The following SDK1 variants were observed in gnomAD, a reference collection of about 807,000 sequenced individuals.
SDK1 encodes the protein sidekick cell adhesion molecule 1, also known as protein sidekick-1.
A neutral mutation model predicts 245.5 loss-of-function variants in SDK1; 157 were observed. That is an observed-to-expected ratio of 0.64 (90% confidence interval 0.56 to 0.73). The LOEUF (loss-of-function observed/expected upper bound fraction) is 0.73, where lower values mean the gene tolerates loss of function less well. SDK1 is among the 30% of genes least tolerant of loss of function. The pLI is 0.00. For synonymous variants in SDK1, 1,647 were observed against 1,278.5 expected (o/e 1.29, Z -6.15); for missense variants, 3,583 against 3,002.3 (o/e 1.19, Z -4.52).
intron 32 of SDK1, among the ~76,000 whole-genome samples, chr7:4,162,493 G>A (rs1031125521): frequency 3.3e-5 from 5 of 151,636 alleles, no homozygotes; most frequent in Admixed American, 6.6e-5. Context: ...TCTGCCTCCC[G>A]TGTTCAAGCG....
intron 1 of SDK1, among the ~76,000 whole-genome samples, chr7:3,449,560 G>T (rs910284379): frequency 6.6e-5 from 10 of 152,110 alleles, no homozygotes; most frequent in Non-Finnish European, 8.8e-5. Flanking sequence ...GTAGGCTTTT[G>T]GAGTACAAAG....
chr7:3,581,148 A>AGC, intron 1 of SDK1, among the ~76,000 whole-genome samples: 1 of 152,182 alleles, frequency 6.6e-6, no homozygotes, highest in Admixed American at 6.5e-5. Flanking sequence ...GCAGAGCAAA[A>AGC]TAAACTATCA....
rs907443831 is a variant in SDK1, at chr7:4,266,477, G to A, written c.*1093G>A. 11 of 985,184 alleles carry A rather than the reference G, an allele frequency of 1.1e-5. No individual in the cohort carries two copies. Among genetic ancestry groups the A allele is most frequent in the African/African-American group, 5.2e-5 (3 of 57,298 alleles). The allele number at this position is 985,184 out of a possible 1,614,324, so 61.0% of individuals were successfully genotyped here. ...CTGTCCTGGCTTCTGCTGGCTGCTC[G>A]CAGCAGCCACCGCTTCTCCACCACT... On this transcript the variant is annotated 3_prime_UTR_variant, in exon 45 of 45. Transcript: ENST00000404826.
At chr7:3,927,338 A>G (rs1412564203) in intron 5 of SDK1, among the ~76,000 whole-genome samples, 1 of 151,756 alleles carries the variant, frequency 6.6e-6, no homozygotes, top group East Asian at 1.9e-4. Flanking sequence ...CCTATTTTTC[A>G]TTAGGTATTT....
chr7:3,941,206 C>G (rs1275409046), intron 5 of SDK1, among the ~76,000 whole-genome samples: 2 of 152,120 alleles, frequency 1.3e-5, no homozygotes, highest in Non-Finnish European at 2.9e-5. Flanking sequence ...GTCATACTCA[C>G]CCCCGTCTTT....
chr7:3,962,250 T>TGTCCTGTCCTCTGCCCCTATG (rs1335193432), intron 8 of SDK1, among the ~76,000 whole-genome samples: 1 of 152,208 alleles, frequency 6.6e-6, no homozygotes, highest in Non-Finnish European at 1.5e-5. Flanking sequence ...ATGTGGCCTG[T>TGTCCTGTCCTCTGCCCCTATG]GTCCTGTCCT....
At chr7:4,078,778 T>C (rs1780864827) in intron 21 of SDK1, among the ~76,000 whole-genome samples, 1 of 152,192 alleles carries the variant, frequency 6.6e-6, no homozygotes, top group Admixed American at 6.5e-5. Flanking sequence ...AGGAGTAGGC[T>C]TGAGCCACGG....
chr7:3,644,859 G>C (rs11765011), intron 4 of SDK1, among the ~76,000 whole-genome samples: 1 of 148,256 alleles, frequency 6.7e-6, no homozygotes, highest in South Asian at 2.2e-4. Context: ...AAATATTCTA[G>C]AAGTTTCCAG....
intron 4 of SDK1, among the ~76,000 whole-genome samples, chr7:3,718,164 C>A (rs1464358276): frequency 3.3e-5 from 5 of 152,086 alleles, no homozygotes; most frequent in Admixed American, 2.6e-4. Flanking sequence ...AGAGAAGAAA[C>A]TTTATGAGCA....
chr7:3,865,144 A>G (rs1158489155), intron 5 of SDK1, among the ~76,000 whole-genome samples: 1 of 152,136 alleles, frequency 6.6e-6, no homozygotes, highest in Non-Finnish European at 1.5e-5. Flanking sequence ...TTGGGAAGTG[A>G]TGAACGTCCA....
At chr7:3,774,444 C>G (rs947535514) in intron 4 of SDK1, among the ~76,000 whole-genome samples, 13 of 152,166 alleles carry the variant, frequency 8.5e-5, no homozygotes, top group African/African-American at 3.1e-4. Flanking sequence ...GTATGCCAAG[C>G]TGCTCCAGGA....
At chr7:3,433,089 C>T (rs17133347) in intron 1 of SDK1, among the ~76,000 whole-genome samples, 17,661 of 152,174 alleles carry the variant, frequency 0.12, 1,780 homozygotes, top group East Asian at 0.4. Flanking sequence ...CAAAACCTAT[C>T]CCCAGAGATT....
In SDK1 at chr7:3,337,005, T is replaced by C. The variant is rs374053821; in HGVS notation, c.298+35121T>C. 8.4e-4 allele frequency among the ~76,000 whole-genome samples: 127 copies of C among 151,824 alleles called. 1 individual carries two copies. The highest frequency in any genetic ancestry group is 2.9e-3 in the African/African-American group (119 of 41,140). On this transcript the variant is annotated intron_variant, in intron 1 of 44. Coordinates refer to ENST00000404826, the MANE Select transcript of SDK1 (RefSeq NM_152744.4). ...GGGGTCTCTTAATATCAAAAACATA[T>C]AGGATACAATTCATACCAATTTATA...
At chr7:3,818,729 C>T (rs1350070917) in intron 4 of SDK1, among the ~76,000 whole-genome samples, 1 of 152,234 alleles carries the variant, frequency 6.6e-6, no homozygotes, top group African/African-American at 2.4e-5. Context: ...ATGGTTGGTT[C>T]ATTGGCTCTA....
At chr7:3,932,670 C>T (rs760138200) in intron 5 of SDK1, among the ~76,000 whole-genome samples, 3 of 152,216 alleles carry the variant, frequency 2.0e-5, no homozygotes, top group Non-Finnish European at 4.4e-5. Context: ...GATGGGAAAA[C>T]AGAAGAGGAA....
chr7:4,057,811 A>T (rs1395049853), intron 19 of SDK1, among the ~76,000 whole-genome samples: 1 of 152,214 alleles, frequency 6.6e-6, no homozygotes, highest in African/African-American at 2.4e-5. Context: ...TTTACAGCCA[A>T]ATAAATTATA....
At chr7:3,332,437 C>T (rs1199360766) in intron 1 of SDK1, among the ~76,000 whole-genome samples, 1 of 152,114 alleles carries the variant, frequency 6.6e-6, no homozygotes. Flanking sequence ...TATGGTTCAA[C>T]AGGATCCAAG....
chr7:3,681,142 G>A (rs1301996428), intron 4 of SDK1, among the ~76,000 whole-genome samples: 1 of 152,052 alleles, frequency 6.6e-6, no homozygotes, highest in Non-Finnish European at 1.5e-5. Flanking sequence ...GCGCCCGGCT[G>A]CCACTTTGTA....
chr7:3,758,122 G>C (rs1259800987), intron 4 of SDK1, among the ~76,000 whole-genome samples: 1 of 152,182 alleles, frequency 6.6e-6, no homozygotes, highest in Non-Finnish European at 1.5e-5. Context: ...CTGCAGGGAA[G>C]AGTATCAAAG....
Sources: allele counts gnomAD v4.1 joint callset (sites outside exome capture counted in the v4.1 genomes callset), GRCh38; gene constraint gnomAD v4.1.1; transcripts MANE v1.5; gene names NCBI Gene and HGNC (gene_info 2026-07-23, HGNC 2026-07-21).